STARD13: variants seen among roughly 807,000 people sequenced by gnomAD.
The protein encoded by STARD13 is stAR-related lipid transfer protein 13.
Under a neutral mutation model 106.4 loss-of-function variants are expected in STARD13, and 62 were observed. The ratio of observed to expected loss-of-function variants is 0.58; its 90% CI spans 0.48 to 0.72. The LOEUF is 0.72. STARD13 is among the 30% of genes least tolerant of loss of function. The pLI is 0.00. For missense variants in STARD13, 1,387 were observed against 1,424.0 expected, an observed-to-expected ratio of 0.97 and a Z score of 0.42; for synonymous variants, 565 against 553.0, an observed-to-expected ratio of 1.02 and a Z score of -0.31.
the STARD13 span, chr13:33,656,808 TTACC>T: frequency 6.6e-6 from 1 of 152,218 alleles, no homozygotes; most frequent in African/African-American, 2.4e-5. Flanking sequence ...TCCCTGGAAC[TTACC>T]TGCAAGGGAC....
the STARD13 span, among the ~76,000 whole-genome samples, chr13:33,515,088 T>A: frequency 6.6e-6 from 1 of 152,146 alleles, no homozygotes; most frequent in African/African-American, 2.4e-5. Flanking sequence ...ATGTGTTAAA[T>A]ATCAGCTGTG....
intron 1 of STARD13, among the ~76,000 whole-genome samples, chr13:33,293,938 T>C (rs1006606798): frequency 1.3e-5 from 2 of 152,198 alleles, no homozygotes; most frequent in African/African-American, 4.8e-5. Flanking sequence ...AATTTCCCTT[T>C]ATATCTATCT....
At chr13:33,143,996 T>C (rs1218804895) in intron 3 of STARD13, among the ~76,000 whole-genome samples, 1 of 152,242 alleles carries the variant, frequency 6.6e-6, no homozygotes, top group African/African-American at 2.4e-5. Flanking sequence ...TTATGAATTA[T>C]CTCATCTCTC....
chr13:33,455,334 A>G, the STARD13 span, among the ~76,000 whole-genome samples: 3 of 152,194 alleles, frequency 2.0e-5, no homozygotes, highest in South Asian at 2.1e-4. Context: ...AATTTGAGAG[A>G]GGCAGGGAGT....
At chr13:33,271,494 G>A (rs940389643) in intron 1 of STARD13, 2 of 152,318 alleles carry the variant, frequency 1.3e-5, no homozygotes, top group Admixed American at 1.3e-4. Flanking sequence ...GCATTTTGAA[G>A]GGCTGGAAGT....
exon 2 of STARD13, chr13:33,348,950 C>T (rs1256056928): frequency 1.2e-5 from 7 of 576,160 alleles, no homozygotes; most frequent in Admixed American, 3.0e-5. Flanking sequence ...TTGCTAGTGA[C>T]CTTCTCTCAA....
chr13:33,376,789 G>A, the STARD13 span, among the ~76,000 whole-genome samples: 4 of 152,180 alleles, frequency 2.6e-5, no homozygotes, highest in African/African-American at 9.7e-5. Context: ...GACAGAATGA[G>A]GAGCCAGTAA....
chr13:33,273,486 C>A (rs1011307667), intron 1 of STARD13, among the ~76,000 whole-genome samples: 1 of 152,114 alleles, frequency 6.6e-6, no homozygotes, highest in Non-Finnish European at 1.5e-5. Flanking sequence ...TATACATATT[C>A]CATAAAATCA....
intron 1 of STARD13, among the ~76,000 whole-genome samples, chr13:33,309,642 A>C (rs1321377268): frequency 2.0e-5 from 3 of 152,194 alleles, no homozygotes; most frequent in Non-Finnish European, 4.4e-5. Context: ...AAGCACTGGT[A>C]ATCTGTAACA....
chr13:33,133,198 C>T (rs1304332234), intron 4 of STARD13, among the ~76,000 whole-genome samples: 6 of 152,170 alleles, frequency 3.9e-5, no homozygotes, highest in Admixed American at 1.3e-4. Flanking sequence ...TGGATAGGGA[C>T]TCCTTTATTT....
At chr13:33,423,180 T>C in the STARD13 span, among the ~76,000 whole-genome samples, 1 of 152,200 alleles carries the variant, frequency 6.6e-6, no homozygotes, top group Non-Finnish European at 1.5e-5. Context: ...GAGAAAAGTT[T>C]TGCAATCTAT....
At chr13:33,279,013 TTA>T (rs1891610094) in intron 1 of STARD13, among the ~76,000 whole-genome samples, 1 of 152,196 alleles carries the variant, frequency 6.6e-6, no homozygotes, top group Admixed American at 6.6e-5. Context: ...CAAATATTTT[TTA>T]TGTGGTCTTT....
intron 3 of STARD13, among the ~76,000 whole-genome samples, chr13:33,163,274 G>T (rs1221163330): frequency 6.6e-6 from 1 of 151,848 alleles, no homozygotes; most frequent in Admixed American, 6.6e-5. Flanking sequence ...TGGGGACACA[G>T]AGCCAAACCA....
At chr13:33,644,393 C>G in the STARD13 span, among the ~76,000 whole-genome samples, 2 of 152,184 alleles carry the variant, frequency 1.3e-5, no homozygotes, top group African/African-American at 4.8e-5. Flanking sequence ...TTGGGGGTAG[C>G]ATCACATAGG....
the STARD13 span, among the ~76,000 whole-genome samples, chr13:33,549,931 C>T: frequency 5.1e-4 from 77 of 152,300 alleles, no homozygotes; most frequent in African/African-American, 1.8e-3. Context: ...GGGCATTCTT[C>T]GTGCTAAACT....
chr13:33,579,646 ATAATT>A, the STARD13 span, among the ~76,000 whole-genome samples: 1 of 149,074 alleles, frequency 6.7e-6, no homozygotes, highest in Non-Finnish European at 1.5e-5. Context: ...ATATATATAT[ATAATT>A]TATATATTAT....
the STARD13 span, among the ~76,000 whole-genome samples, chr13:33,653,979 A>C: frequency 1.2e-4 from 18 of 152,266 alleles, no homozygotes; most frequent in African/African-American, 4.3e-4. Flanking sequence ...CCACAATGAG[A>C]TACCACTTCA....
chr13:33,491,654 T>G, the STARD13 span, among the ~76,000 whole-genome samples: 1 of 152,218 alleles, frequency 6.6e-6, no homozygotes, highest in Non-Finnish European at 1.5e-5. Flanking sequence ...GTTTATAAAC[T>G]TTATTTGCAC....
rs145062959 is a variant in STARD13, at chr13:33,334,632, G to A, written c.124+15658C>T. Among the ~76,000 whole-genome samples the A allele has an allele frequency of 4.9e-3, 740 of 152,256 alleles. 1 individual carries two copies. The highest frequency in any genetic ancestry group is 0.024 in the Middle Eastern group (7 of 294). The stretch of plus-strand genomic sequence containing the variant: ...GCATCACTAGAATGGAATTGGCAAG[G>A]AAACCATGAAGGGCTTGAGCCAGCT... On this transcript the variant is annotated intron_variant, in intron 1 of 5. Coordinates refer to the STARD13 transcript ENST00000567873.
Sources: gnomAD v4.1 joint callset for allele counts (sites outside exome capture counted in the v4.1 genomes callset) on GRCh38, gnomAD v4.1.1 for gene constraint, MANE v1.5 for transcripts, NCBI Gene and HGNC (gene_info 2026-07-23, HGNC 2026-07-21) for gene names.